The following MAN1A2 variants were observed in gnomAD, a reference collection of about 807,000 sequenced individuals.
MAN1A2 encodes the protein mannosidase alpha class 1A member 2, also known as mannosyl-oligosaccharide 1,2-alpha-mannosidase IB.
MAN1A2 carries 26 observed loss-of-function variants against 75.7 expected under a neutral mutation model. The observed-to-expected ratio is 0.34, with a 90% CI of 0.25 to 0.48. The LOEUF (loss-of-function observed/expected upper bound fraction) is 0.48, where lower values mean the gene tolerates loss of function less well. Among genes scored for constraint, MAN1A2 ranks in the 20% least tolerant of loss-of-function variants. MAN1A2 has a pLI of 0.99. For missense variants in MAN1A2, 562 were observed against 775.5 expected, an observed-to-expected ratio of 0.72 and a Z score of 3.27; for synonymous variants, 247 against 264.6, an observed-to-expected ratio of 0.93 and a Z score of 0.65.
At position 117,524,222 on chromosome 1, in the gene MAN1A2, C is replaced by T. The variant is rs1651946466; in HGVS notation, c.*1265C>T. 2.0e-5 allele frequency: 3 copies of T among 152,224 alleles called. No homozygotes were observed. The highest frequency in any genetic ancestry group is 2.1e-4 in the South Asian group (1 of 4,826). 9.4% of individuals were successfully genotyped at this position (152,224 alleles called of 1,614,324 possible). A position where few individuals can be genotyped will look rare whatever the true frequency, so the allele number is the denominator to read the frequency against. On this transcript the variant is annotated 3_prime_UTR_variant, in exon 13 of 13. Transcript: ENST00000356554. ...ATCATATTACACTAAAATTGGGATA[C>T]ATCTAAGGAACTTTATCTTACTATC...
intron 1 of MAN1A2, among the ~76,000 whole-genome samples, chr1:117,376,344 C>T (rs1170022070): frequency 6.6e-6 from 1 of 152,246 alleles, no homozygotes; most frequent in Non-Finnish European, 1.5e-5. Context: ...GCATACAGCT[C>T]CGCTTATTAT....
chr1:117,401,659 C>A (rs572618697), intron 1 of MAN1A2, among the ~76,000 whole-genome samples: 101 of 152,260 alleles, frequency 6.6e-4, no homozygotes, highest in African/African-American at 2.4e-3. Context: ...CTGTTTTTAA[C>A]AAGAGTTCAA....
chr1:117,392,884 G>C (rs1392949595), intron 1 of MAN1A2, among the ~76,000 whole-genome samples: 1 of 152,206 alleles, frequency 6.6e-6, no homozygotes, highest in Non-Finnish European at 1.5e-5. Context: ...ATTGGATTTG[G>C]TATAAAAGCT....
In MAN1A2 at chr1:117,525,778, C is replaced by G. The variant is rs1651998924; in HGVS notation, c.*2821C>G. ...TCAACCAGTATTAAGTTGTTAAAAC[C>G]AAGGGAATGGGGCCCTAACCAAAAA... On this transcript the variant is annotated 3_prime_UTR_variant, in exon 13 of 13. Transcript: ENST00000356554. 1 of 151,570 alleles carries G rather than the reference C, an allele frequency of 6.6e-6. No homozygotes were observed. Among genetic ancestry groups the G allele is most frequent in the African/African-American group, 2.4e-5 (1 of 41,300 alleles). The allele number at this position is 151,570 out of a possible 1,614,324, so 9.4% of individuals were successfully genotyped here.
intron 5 of MAN1A2, among the ~76,000 whole-genome samples, chr1:117,426,173 G>A (rs555421309): frequency 6.6e-6 from 1 of 151,766 alleles, no homozygotes; most frequent in East Asian, 1.9e-4. Flanking sequence ...TTTGTGATGA[G>A]AAATCTCCTT....
In MAN1A2 at chr1:117,460,451, C is replaced by CA. The variant is rs749843119; in HGVS notation, c.951-36dup. 15 of 1,529,254 alleles carry CA rather than the reference C, an allele frequency of 9.8e-6. No individual in the cohort carries two copies. In the Admixed American group the frequency reaches 2.9e-4, roughly 30 times the overall value. 94.7% of individuals were successfully genotyped at this position (1,529,254 alleles called of 1,614,324 possible). A position where few individuals can be genotyped will look rare whatever the true frequency, so the allele number is the denominator to read the frequency against. ...TTAAACGAATGTTTTGGTCTTTTCC[C>CA]AATCCTGTGTCTCCTTTTACTTTTC... On this transcript the variant is annotated intron_variant, in intron 6 of 12. Transcript: ENST00000356554.
chr1:117,463,267 A>G (rs1452201480), intron 7 of MAN1A2, among the ~76,000 whole-genome samples: 1 of 152,102 alleles, frequency 6.6e-6, no homozygotes, highest in Non-Finnish European at 1.5e-5. Flanking sequence ...GATTTCTGGA[A>G]TGAGACATAA....
At chr1:117,496,274 T>G (rs938236362) in intron 9 of MAN1A2, among the ~76,000 whole-genome samples, 1 of 151,932 alleles carries the variant, frequency 6.6e-6, no homozygotes, top group African/African-American at 2.4e-5. Flanking sequence ...AAGAACATAT[T>G]CCAAAGGAGC....
At chr1:117,428,779 CCTTT>C (rs1326464403) in intron 5 of MAN1A2, among the ~76,000 whole-genome samples, 22 of 124,794 alleles carry the variant, frequency 1.8e-4, no homozygotes, top group African/African-American at 5.5e-4. Context: ...CAAGAGGAGA[CCTTT>C]CTTTTTTTTT....
chr1:117,378,532 T>C (rs1186974898), intron 1 of MAN1A2, among the ~76,000 whole-genome samples: 1 of 152,182 alleles, frequency 6.6e-6, no homozygotes, highest in Non-Finnish European at 1.5e-5. Context: ...TTTTTTGTTG[T>C]TGTTGCAAAA....
rs775176417 is a variant in MAN1A2 at position 117,514,866 on chromosome 1, G to A, written c.1794-7959G>A. ...TCTTGAAGTTAGCCTCCTACCATGA[G>A]AGAACTGTTTTTCCAGCTGGATGAA... On this transcript the variant is annotated intron_variant, in intron 12 of 12. Transcript: ENST00000356554. The A allele has an allele frequency of 1.7e-5, 9 of 532,866 alleles. No individual in the cohort carries two copies. The African/African-American group carries it at 1.7e-4, about 10-fold the overall frequency. The allele number at this position is 532,866 out of a possible 1,614,324, so 33.0% of individuals were successfully genotyped here.
At chr1:117,481,093 C>G (rs1368020697) in intron 8 of MAN1A2, among the ~76,000 whole-genome samples, 1 of 151,932 alleles carries the variant, frequency 6.6e-6, no homozygotes, top group Non-Finnish European at 1.5e-5. Flanking sequence ...ATCCACTGTT[C>G]TGCCCAGTAT....
chr1:117,421,399 T>A (rs1648190496), intron 5 of MAN1A2, among the ~76,000 whole-genome samples: 1 of 151,304 alleles, frequency 6.6e-6, no homozygotes, highest in Non-Finnish European at 1.5e-5. Flanking sequence ...TTTTGTTTAA[T>A]TTTTTTTTGT....
chr1:117,451,102 T>C (rs551803254), intron 6 of MAN1A2, among the ~76,000 whole-genome samples: 1 of 152,342 alleles, frequency 6.6e-6, no homozygotes, highest in Admixed American at 6.5e-5. Context: ...GAGGTTGGGC[T>C]ATACCCTGCA....
intron 12 of MAN1A2, among the ~76,000 whole-genome samples, chr1:117,504,700 T>G (rs1312027379): frequency 6.6e-6 from 1 of 151,530 alleles, no homozygotes; most frequent in Non-Finnish European, 1.5e-5. Flanking sequence ...TTACGTTTGG[T>G]TGTCATCGTC....
intron 5 of MAN1A2, among the ~76,000 whole-genome samples, chr1:117,432,510 G>A (rs1169070844): frequency 1.3e-5 from 2 of 151,982 alleles, no homozygotes; most frequent in Admixed American, 6.5e-5. Context: ...CAGTTTTTTT[G>A]CAAAATTTAA....
intron 5 of MAN1A2, among the ~76,000 whole-genome samples, chr1:117,430,160 G>A (rs1648568768): frequency 1.1e-5 from 1 of 90,872 alleles, no homozygotes; most frequent in Non-Finnish European, 2.3e-5. Context: ...GGGTGGCCGG[G>A]CAGAGGCGCC....
intron 6 of MAN1A2, among the ~76,000 whole-genome samples, chr1:117,458,444 CAT>C (rs1190438300): frequency 2.8e-5 from 4 of 140,850 alleles, no homozygotes; most frequent in Non-Finnish European, 4.6e-5. Context: ...TAAAATATAA[CAT>C]ATTGAATTGA....
intron 8 of MAN1A2, among the ~76,000 whole-genome samples, chr1:117,478,745 A>T (rs902676083): frequency 6.6e-6 from 1 of 150,572 alleles, no homozygotes; most frequent in Non-Finnish European, 1.5e-5. Flanking sequence ...TTATTTTTAG[A>T]CTCTATTCTG....
Sources: allele counts gnomAD v4.1 joint callset (sites outside exome capture counted in the v4.1 genomes callset), GRCh38; gene constraint gnomAD v4.1.1; transcripts MANE v1.5; gene names NCBI Gene and HGNC (gene_info 2026-07-23, HGNC 2026-07-21).